Variants in DSE observed in about 807,000 individuals in gnomAD.
DSE encodes dermatan-sulfate epimerase.
DSE carries 36 observed loss-of-function variants against 84.4 expected under a neutral mutation model. The observed-to-expected ratio is 0.43, with a 90% CI of 0.33 to 0.56. The LOEUF (loss-of-function observed/expected upper bound fraction) is 0.56, where lower values mean the gene tolerates loss of function less well. DSE is among the 20% of genes least tolerant of loss of function. DSE has a pLI of 0.06. For missense variants in DSE, 862 were observed against 1,169.6 expected, an observed-to-expected ratio of 0.74 and a Z score of 3.84; for synonymous variants, 410 against 430.1, an observed-to-expected ratio of 0.95 and a Z score of 0.58.
intron 1 of DSE, among the ~76,000 whole-genome samples, chr6:116,383,380 GT>G (rs905847146): frequency 4.2e-4 from 64 of 152,168 alleles, no homozygotes; most frequent in African/African-American, 1.5e-3. Flanking sequence ...GGGTATGAAA[GT>G]TTGGGTGGAG....
At chr6:116,333,704 T>C (rs1018583716) in intron 2 of DSE, among the ~76,000 whole-genome samples, 5 of 152,230 alleles carry the variant, frequency 3.3e-5, no homozygotes, top group African/African-American at 1.2e-4. Context: ...AAGCTCTTTC[T>C]CATTCTCAAC....
chr6:116,319,472 C>T (rs1352967178), intron 2 of DSE, among the ~76,000 whole-genome samples: 1 of 152,218 alleles, frequency 6.6e-6, no homozygotes, highest in East Asian at 1.9e-4. Flanking sequence ...CCCTTGAAGC[C>T]TCTGCTTACA....
At chr6:116,373,780 G>GA (rs1779756998) in intron 1 of DSE, among the ~76,000 whole-genome samples, 1 of 152,172 alleles carries the variant, frequency 6.6e-6, no homozygotes, top group Admixed American at 6.5e-5. Context: ...GATCACTGAT[G>GA]AAAGTGCATT....
At chr6:116,265,185 G>A (rs973740215) in intron 2 of DSE, among the ~76,000 whole-genome samples, 1 of 152,088 alleles carries the variant, frequency 6.6e-6, no homozygotes, top group African/African-American at 2.4e-5. Context: ...TGGAAGGAGT[G>A]GCCCCAGATG....
intron 2 of DSE, among the ~76,000 whole-genome samples, chr6:116,315,445 T>C (rs918469853): frequency 6.6e-6 from 1 of 152,136 alleles, no homozygotes; most frequent in Non-Finnish European, 1.5e-5. Context: ...TTTCATTTAC[T>C]AGGGTATACC....
intron 2 of DSE, chr6:116,278,608 T>G: frequency 1.2e-6 from 2 of 1,614,108 alleles, no homozygotes; most frequent in Non-Finnish European, 1.7e-6. Flanking sequence ...ACGCAACAGG[T>G]AGTATTGCAG....
chr6:116,383,639 C>T (rs1442410220), intron 1 of DSE, among the ~76,000 whole-genome samples: 1 of 152,166 alleles, frequency 6.6e-6, no homozygotes, highest in African/African-American at 2.4e-5. Flanking sequence ...TATTAAGCAC[C>T]TTTCATATGC....
intron 2 of DSE, among the ~76,000 whole-genome samples, chr6:116,408,873 T>C (rs1782110687): frequency 6.6e-6 from 1 of 152,260 alleles, no homozygotes; most frequent in African/African-American, 2.4e-5. Context: ...AACAGAGTTT[T>C]GTTTTTATTC....
intron 2 of DSE, chr6:116,423,187 C>G (rs1026653914): frequency 6.6e-6 from 1 of 152,166 alleles, no homozygotes; most frequent in South Asian, 2.1e-4. Context: ...TGTAATGAGA[C>G]AGTTTTAATA....
chr6:116,269,717 A>G (rs1772801348), intron 2 of DSE, among the ~76,000 whole-genome samples: 1 of 152,182 alleles, frequency 6.6e-6, no homozygotes, highest in Non-Finnish European at 1.5e-5. Flanking sequence ...TATCACTTTA[A>G]AGACTTTATA....
At chr6:116,279,055 C>G (rs1283911192) in intron 2 of DSE, 1 of 1,613,182 alleles carries the variant, frequency 6.2e-7, no homozygotes, top group South Asian at 1.1e-5. Context: ...TCGACGCATC[C>G]GCCCAAACTT....
At chr6:116,300,195 C>T (rs1002691520) in intron 2 of DSE, among the ~76,000 whole-genome samples, 1 of 152,088 alleles carries the variant, frequency 6.6e-6, no homozygotes, top group Admixed American at 6.5e-5. Context: ...TGCCATAGTA[C>T]TTTAGAACCC....
At chr6:116,381,035 A>G (rs1780190634) in intron 1 of DSE, among the ~76,000 whole-genome samples, 1 of 152,172 alleles carries the variant, frequency 6.6e-6, no homozygotes, top group Admixed American at 6.6e-5. Context: ...TAGTGTTTGT[A>G]TAAATATTTA....
chr6:116,329,876 T>G (rs1318856419), intron 2 of DSE, among the ~76,000 whole-genome samples: 2 of 152,194 alleles, frequency 1.3e-5, no homozygotes, highest in Admixed American at 1.3e-4. Context: ...CAGGCTGGAG[T>G]GCAATGACGC....
At chr6:116,259,957 C>T (rs1772341171) in intron 2 of DSE, among the ~76,000 whole-genome samples, 1 of 152,150 alleles carries the variant, frequency 6.6e-6, no homozygotes, top group Admixed American at 6.5e-5. Flanking sequence ...TATAGACATG[C>T]ATGTGTCTTT....
Position 116,443,064 on chromosome 6 carries a change from A to G in DSE, c.*5719A>G, listed in dbSNP as rs1784477781. 6.6e-6 allele frequency: 1 copy of G among 152,224 alleles called. No homozygotes were observed. Among genetic ancestry groups the G allele is most frequent in the Admixed American group, 6.5e-5 (1 of 15,274 alleles). The allele number at this position is 152,224 out of a possible 1,614,324, so 9.4% of individuals were successfully genotyped here. A position where few individuals can be genotyped will look rare whatever the true frequency, so the allele number is the denominator to read the frequency against. ...TTAAATAATCAGATTTGCATTTTAG[A>G]AAGGCAATTTTAGCTTCAGTGTAGA... On this transcript the variant is annotated 3_prime_UTR_variant, in exon 6 of 6. Coordinates refer to ENST00000644252, the MANE Select transcript of DSE (RefSeq NM_013352.4).
intron 1 of DSE, among the ~76,000 whole-genome samples, chr6:116,373,077 G>A (rs1013668270): frequency 9.3e-5 from 14 of 150,502 alleles, no homozygotes; most frequent in Admixed American, 3.3e-4. Flanking sequence ...AAAAAGGGCT[G>A]GGTGCGGTGG....
At chr6:116,386,611 G>T (rs1780590747) in intron 1 of DSE, among the ~76,000 whole-genome samples, 1 of 152,206 alleles carries the variant, frequency 6.6e-6, no homozygotes, top group African/African-American at 2.4e-5. Flanking sequence ...TTTTATTGTA[G>T]TTAGATGTGA....
intron 2 of DSE, among the ~76,000 whole-genome samples, chr6:116,290,057 T>C (rs2114670552): frequency 6.6e-6 from 1 of 152,240 alleles, no homozygotes; most frequent in Non-Finnish European, 1.5e-5. Flanking sequence ...CACCCTGTTG[T>C]GAAGATTAAG....
Sources: allele counts gnomAD v4.1 joint callset (sites outside exome capture counted in the v4.1 genomes callset), GRCh38; gene constraint gnomAD v4.1.1; transcripts MANE v1.5; gene names NCBI Gene and HGNC (gene_info 2026-07-23, HGNC 2026-07-21).